The following GDPD4 variants were observed in gnomAD, a reference collection of about 807,000 sequenced individuals.
GDPD4 encodes the protein glycerophosphodiester phosphodiesterase 6.
A neutral mutation model predicts 67.8 loss-of-function variants in GDPD4; 60 were observed. That is an observed-to-expected ratio of 0.88 (90% confidence interval 0.72 to 1.10). The LOEUF (loss-of-function observed/expected upper bound fraction) is 1.10, where lower values mean the gene tolerates loss of function less well. Among genes scored for constraint, GDPD4 ranks in the 50% least tolerant of loss-of-function variants. The pLI, the probability that GDPD4 is intolerant of heterozygous loss-of-function variation, is 0.00. For missense variants in GDPD4, 623 were observed against 613.9 expected, an observed-to-expected ratio of 1.01 and a Z score of -0.16; for synonymous variants, 212 against 210.9, an observed-to-expected ratio of 1.00 and a Z score of -0.04.
intron 4 of GDPD4, 132 bp downstream of exon 4, chr11:77,279,174 C>T (rs1220154758): frequency 1.8e-6 from 1 of 566,534 alleles, no homozygotes; most frequent in African/African-American, 1.9e-5. Flanking sequence ...AATGTAAATC[C>T]CAACTCTACT....
Position 77,216,662 on chromosome 11 carries a change from C to T in GDPD4, c.*615G>A. ...ACCTGACAGCAACCAGTTCCAAGAC[C>T]ACACACAGCAGTTTTCCCCTTGCCT... is the stretch of plus-strand genomic sequence containing the variant. On this transcript the variant is annotated 3_prime_UTR_variant, in exon 17 of 17. Coordinates refer to ENST00000315938, the MANE Select transcript of GDPD4 (RefSeq NM_182833.3). 2.0e-6 allele frequency: 1 copy of T among 497,758 alleles called. No homozygotes were observed. Among genetic ancestry groups the T allele is most frequent in the Admixed American group, 3.5e-5 (1 of 28,884 alleles). 30.8% of individuals were successfully genotyped at this position (497,758 alleles called of 1,614,324 possible).
chr11:77,271,349 G>C lies in GDPD4; in HGVS notation c.252C>G (p.Phe84Leu). Residue 84 changes from phenylalanine to leucine, a missense_variant, in exon 6 of 17, where the codon TTC (phenylalanine) becomes TTG (leucine). Physicochemically the swap from Phe to Leu is conservative, Grantham distance 22. Transcript: ENST00000315938. Reference protein sequence around the residue: ...LVILLCVILMFIICKFWKERW... With the variant: ...LVILLCVILMLIICKFWKERW... Reference sequence around the variant, plus strand: ...TTTCTTTCCAGAATTTGCATATAATGAACATTAAAATGACACACAGAAGAA... The same window carrying C: ...TTTCTTTCCAGAATTTGCATATAATCAACATTAAAATGACACACAGAAGAA... 4 of 1,613,790 alleles carry C rather than the reference G, an allele frequency of 2.5e-6. No individual in the cohort carries two copies. The highest frequency in any genetic ancestry group is 3.4e-6 in the Non-Finnish European group (4 of 1,179,756).
In GDPD4 at chr11:77,301,588, T is replaced by G. The variant is rs1938162300; in HGVS notation, c.-254+17A>C. 1 of 152,206 alleles carries G rather than the reference T, an allele frequency of 6.6e-6. No individual in the cohort carries two copies. The allele number at this position is 152,206 out of a possible 1,614,324, so 9.4% of individuals were successfully genotyped here. On this transcript the variant is annotated intron_variant, in intron 1 of 16. Transcript: ENST00000315938. ...GCTGCTTAGGGAGGAAGCACGGAACTGGGCACATTTACTTACCGAGACTTC... is the reference window on the plus strand; with the variant it reads ...GCTGCTTAGGGAGGAAGCACGGAACGGGGCACATTTACTTACCGAGACTTC...
chr11:77,262,003 T>A (rs753452478), intron 10 of GDPD4, among the ~76,000 whole-genome samples: 4 of 152,158 alleles, frequency 2.6e-5, no homozygotes, highest in African/African-American at 4.8e-5. Context: ...ATAGAAAAAA[T>A]TTCCAAATAA....
intron 3 of GDPD4, 101 bp downstream of exon 3, chr11:77,284,984 C>T: frequency 1.2e-6 from 1 of 863,990 alleles, no homozygotes. Flanking sequence ...TGTCCGCCTT[C>T]CCTACTATAT....
chr11:77,258,284 G>A, intron 11 of GDPD4, 102 bp downstream of exon 11: 2 of 1,129,422 alleles, frequency 1.8e-6, no homozygotes, highest in Non-Finnish European at 2.6e-6. Context: ...AAATCGTGTG[G>A]ATACTTGCCT....
intron 10 of GDPD4, among the ~76,000 whole-genome samples, chr11:77,260,278 C>G (rs1205258772): frequency 6.7e-6 from 1 of 148,160 alleles, no homozygotes; most frequent in Non-Finnish European, 1.5e-5. Flanking sequence ...TGGACTCCAG[C>G]CTGGGCAACA....
intron 1 of GDPD4, among the ~76,000 whole-genome samples, chr11:77,296,614 C>G (rs1304315562): frequency 6.6e-6 from 1 of 151,678 alleles, no homozygotes; most frequent in Non-Finnish European, 1.5e-5. Flanking sequence ...AGCTACTGCA[C>G]CCGGCCAGAT....
intron 13 of GDPD4, among the ~76,000 whole-genome samples, chr11:77,235,976 CA>C (rs1269645852): frequency 5.5e-4 from 46 of 83,460 alleles, no homozygotes; most frequent in South Asian, 4.6e-3. Context: ...AAAAAAAAAA[CA>C]AAAAAAAAAA....
At chr11:77,241,444 G>T (rs76990839) in intron 13 of GDPD4, among the ~76,000 whole-genome samples, 2,609 of 151,948 alleles carry the variant, frequency 0.017, 82 homozygotes, top group African/African-American at 0.059. Flanking sequence ...GTGGAGGTGA[G>T]GAAACTGCTT....
chr11:77,225,016 A>ATTGT (rs1299982694), intron 16 of GDPD4, among the ~76,000 whole-genome samples: 1 of 151,382 alleles, frequency 6.6e-6, no homozygotes, highest in Non-Finnish European at 1.5e-5. Flanking sequence ...AGGCAGGAGG[A>ATTGT]TTGTTTGAGC....
At chr11:77,225,532 G>A (rs1958313793) in intron 16 of GDPD4, among the ~76,000 whole-genome samples, 1 of 152,112 alleles carries the variant, frequency 6.6e-6, no homozygotes, top group African/African-American at 2.4e-5. Flanking sequence ...CACGCACGAA[G>A]TTAAGCCATA....
intron 2 of GDPD4, 95 bp downstream of exon 2, chr11:77,287,123 T>G (rs1484382106): frequency 1.3e-5 from 2 of 152,250 alleles, no homozygotes. Flanking sequence ...GCATCCCCAG[T>G]CCTGGAGACC....
intron 11 of GDPD4, among the ~76,000 whole-genome samples, chr11:77,251,298 C>G (rs1370314871): frequency 6.6e-6 from 1 of 151,922 alleles, no homozygotes; most frequent in Non-Finnish European, 1.5e-5. Flanking sequence ...CTTTGCCTAT[C>G]TGCTCTATTG....
rs60173558 is a variant in GDPD4 at position 77,235,965 on chromosome 11, C to CAA, written c.1242-2795_1242-2794dup. 6.0e-3 allele frequency among the ~76,000 whole-genome samples: 734 copies of CAA among 122,392 alleles called. 3 individuals are homozygous for CAA. Among genetic ancestry groups the CAA allele is most frequent in the African/African-American group, 0.013 (436 of 32,616 alleles). The allele number at this position is 122,392 out of a possible 152,430, so 80.3% of individuals were successfully genotyped here. A position where few individuals can be genotyped will look rare whatever the true frequency, so the allele number is the denominator to read the frequency against. On this transcript the variant is annotated intron_variant, in intron 13 of 16. Transcript: ENST00000315938. ...AGCGAGACTTTGTCTCTATTAAAAA[C>CAA]AAAAAAAAAACAAAAAAAAAAACAA...
chr11:77,249,788 A>G (rs11237151), intron 11 of GDPD4, among the ~76,000 whole-genome samples: 29,293 of 152,112 alleles, frequency 0.19, 3,738 homozygotes, highest in Non-Finnish European at 0.27. Context: ...AAATCTTTCT[A>G]CGTTTTTTGA....
chr11:77,297,781 TATA>T (rs139147940), intron 1 of GDPD4, among the ~76,000 whole-genome samples: 3,672 of 152,244 alleles, frequency 0.024, 161 homozygotes, highest in African/African-American at 0.084. Flanking sequence ...TGGCTTTCAA[TATA>T]ATAATTGTTA....
chr11:77,250,344 G>C (rs997861204), intron 11 of GDPD4, among the ~76,000 whole-genome samples: 1 of 152,066 alleles, frequency 6.6e-6, no homozygotes, highest in East Asian at 1.9e-4. Context: ...GCAGTATTTG[G>C]TTTTCTGAGC....
Position 77,224,069 on chromosome 11 carries a change from C to T in GDPD4, c.1525+3795G>A, listed in dbSNP as rs11824041. Among the ~76,000 whole-genome samples, 765 of 152,262 alleles carry T rather than the reference C, an allele frequency of 5.0e-3. 4 individuals are homozygous for T. Among genetic ancestry groups the T allele is most frequent in the African/African-American group, 0.017 (725 of 41,548 alleles). ...TGGAAAAGTGCAGTATTAAGGCTGG[C>T]GTGTCTCGATTTTCCTGGTACAGTC... On this transcript the variant is annotated intron_variant, in intron 16 of 16. Transcript: ENST00000315938.
Sources: gnomAD v4.1 joint callset for allele counts (sites outside exome capture counted in the v4.1 genomes callset) on GRCh38, gnomAD v4.1.1 for gene constraint, MANE v1.5 for transcripts, NCBI Gene and HGNC (gene_info 2026-07-23, HGNC 2026-07-21) for gene names.